Variants in ZNF865 observed in about 807,000 individuals in gnomAD.
ZNF865 encodes zinc finger protein 865.
For synonymous variants in ZNF865, 763 were observed against 750.8 expected, an observed-to-expected ratio of 1.02 and a Z score of -0.27; for missense variants, 1,311 against 1,593.4, an observed-to-expected ratio of 0.82 and a Z score of 3.02.
rs936709454 is a variant in ZNF865 at position 55,613,577 on chromosome 19, G to A, written c.-26-16G>A. ...GCGCCGCGGCCGTGTCCTCAGCCCC[G>A]TCCTCCTCTTCACAGGGTCTCCCGT... is the stretch of plus-strand genomic sequence containing the variant. On this transcript the variant is annotated splice_polypyrimidine_tract_variant and intron_variant, in intron 1 of 1. Transcript: ENST00000568956. The A allele has an allele frequency of 1.0e-5, 15 of 1,483,924 alleles. No homozygotes were observed. Among genetic ancestry groups the A allele is most frequent in the African/African-American group, 2.8e-5 (2 of 71,474 alleles). The allele number at this position is 1,483,924 out of a possible 1,614,324, so 91.9% of individuals were successfully genotyped here. A position where few individuals can be genotyped will look rare whatever the true frequency, so the allele number is the denominator to read the frequency against.
chr19:55,608,603 C>T (rs541462796), intron 1 of ZNF865, among the ~76,000 whole-genome samples: 7 of 151,988 alleles, frequency 4.6e-5, no homozygotes, highest in South Asian at 2.1e-4. Context: ...CGTGAGCCAC[C>T]GTGCCCAGTC....
chr19:55,616,687 C>G lies in ZNF865; in HGVS notation c.3069C>G (p.Gly1023=). 6.5e-7 allele frequency: 1 copy of G among 1,529,698 alleles called. No individual in the cohort carries two copies. Among genetic ancestry groups the G allele is most frequent in the Non-Finnish European group, 8.7e-7 (1 of 1,144,184 alleles). 94.8% of individuals were successfully genotyped at this position (1,529,698 alleles called of 1,614,324 possible). Residue 1023 remains glycine, a synonymous_variant, in exon 2 of 2, where the codon GGC becomes GGG. Transcript: ENST00000568956. ...GGRPFRCSSC[G]EGFANTYGLK... is the part of the protein sequence containing the mutation. Reference sequence around the variant, plus strand: ...GGCCCTTCCGCTGCTCCTCCTGCGGCGAGGGCTTCGCCAACACCTACGGCC... The same window carrying G: ...GGCCCTTCCGCTGCTCCTCCTGCGGGGAGGGCTTCGCCAACACCTACGGCC...
In ZNF865 at chr19:55,615,539, G is replaced by T. The variant is rs1406063113; in HGVS notation, c.1921G>T (p.Gly641Cys). Residue 641 changes from glycine (G) to cysteine (C), a missense_variant, in exon 2 of 2, where the codon GGC becomes TGC. Coordinates refer to ENST00000568956, the MANE Select transcript of ZNF865 (RefSeq NM_001195605.2). Reference sequence around the variant, plus strand: ...GCCCTGCGCCCTGGCCGGGGCAGCCGGCCTCCCCTCCACCCAAGGCACACC... The same window carrying T: ...GCCCTGCGCCCTGGCCGGGGCAGCCTGCCTCCCCTCCACCCAAGGCACACC... ...QLPCALAGAA[G>C]LPSTQGTPGA... is the part of the protein sequence containing the mutation. 2.7e-6 allele frequency: 4 copies of T among 1,507,976 alleles called. No individual in the cohort carries two copies. Among genetic ancestry groups the T allele is most frequent in the Non-Finnish European group, 2.6e-6 (3 of 1,134,370 alleles). The allele number at this position is 1,507,976 out of a possible 1,614,324, so 93.4% of individuals were successfully genotyped here.
At chr19:55,608,748 A>C (rs1009130585) in intron 1 of ZNF865, among the ~76,000 whole-genome samples, 2 of 152,230 alleles carry the variant, frequency 1.3e-5, no homozygotes, top group Non-Finnish European at 2.9e-5. Flanking sequence ...GAATGAAACA[A>C]GCCACATAAG....
rs773731912 is a variant in ZNF865 at position 55,613,909 on chromosome 19, C to CTCGTCCTCCTCCTCCTCCTCT, written c.303_323dup (p.Ser111_Ser117dup). ...CGGAGGTGCCCTCCTCGTCCTCGTC[C>CTCGTCCTCCTCCTCCTCCTCT]TCGTCCTCCTCCTCCTCCTCTTCGT... On this transcript the variant is annotated inframe_insertion, in exon 2 of 2. Transcript: ENST00000568956. 27 of 1,523,258 alleles carry CTCGTCCTCCTCCTCCTCCTCT rather than the reference C, an allele frequency of 1.8e-5. No homozygotes were observed. The highest frequency in any genetic ancestry group is 7.4e-5 in the East Asian group (3 of 40,530). 94.4% of individuals were successfully genotyped at this position (1,523,258 alleles called of 1,614,324 possible). A position where few individuals can be genotyped will look rare whatever the true frequency, so the allele number is the denominator to read the frequency against.
Position 55,613,599 on chromosome 19 carries a change from C to G in ZNF865, c.-20C>G, listed in dbSNP as rs1346696497. ...CCCGTCCTCCTCTTCACAGGGTCTC[C>G]CGTCTCCCACCCGCCGGAGATGGAG... is the stretch of plus-strand genomic sequence containing the variant. On this transcript the variant is annotated 5_prime_UTR_variant, in exon 2 of 2. Coordinates refer to ENST00000568956, the MANE Select transcript of ZNF865 (RefSeq NM_001195605.2). The G allele has an allele frequency of 3.3e-6, 5 of 1,499,450 alleles. No homozygotes were observed. In the South Asian group the frequency reaches 6.5e-5, roughly 19 times the overall value. 92.9% of individuals were successfully genotyped at this position (1,499,450 alleles called of 1,614,324 possible). A position where few individuals can be genotyped will look rare whatever the true frequency, so the allele number is the denominator to read the frequency against.
chr19:55,610,053 T>C (rs928254140), intron 1 of ZNF865, among the ~76,000 whole-genome samples: 13 of 152,140 alleles, frequency 8.5e-5, no homozygotes, highest in African/African-American at 2.9e-4. Flanking sequence ...ATTCCTGGGA[T>C]CATTTAGCTC....
Position 55,615,571 on chromosome 19 carries a change from C to G in ZNF865, c.1953C>G (p.Ala651=). The change falls in exon 2 of 2, where the codon GCC becomes GCG. Residue 651 remains alanine, a synonymous_variant. Coordinates refer to ENST00000568956, the MANE Select transcript of ZNF865 (RefSeq NM_001195605.2). ...CCTCCACCCAAGGCACACCGGGGGC[C>G]TGTGGGCCCGGGGCCTCGGGCACGT... is the stretch of plus-strand genomic sequence containing the variant. ...GLPSTQGTPG[A]CGPGASGTSA... 6.5e-7 allele frequency: 1 copy of G among 1,528,800 alleles called. No homozygotes were observed. The highest frequency in any genetic ancestry group is 8.7e-7 in the Non-Finnish European group (1 of 1,143,624). 94.7% of individuals were successfully genotyped at this position (1,528,800 alleles called of 1,614,324 possible).
Position 55,616,464 on chromosome 19 carries a change from A to T in ZNF865, c.2846A>T (p.Glu949Val), listed in dbSNP as rs1293433478. The T allele has an allele frequency of 1.3e-6, 2 of 1,531,784 alleles. No homozygotes were observed. The highest frequency in any genetic ancestry group is 2.7e-5 in the African/African-American group (2 of 72,744). The allele number at this position is 1,531,784 out of a possible 1,614,324, so 94.9% of individuals were successfully genotyped here. The change falls in exon 2 of 2, where the codon GAG becomes GTG. Residue 949 changes from glutamate (E) to valine (V), a missense_variant. Transcript: ENST00000568956. The stretch of plus-strand genomic sequence containing the variant: ...TTCCGCTACCGCTCCAACCTGCTGG[A>T]GCACCAGCGGCTGCACCTGGGCGAG... ...KTFRYRSNLL[E>V]HQRLHLGERA...
chr19:55,606,177 T>TC (rs1485173440), intron 1 of ZNF865, among the ~76,000 whole-genome samples: 1 of 151,808 alleles, frequency 6.6e-6, no homozygotes, highest in African/African-American at 2.4e-5. Context: ...AGCAGAACTG[T>TC]CCCCCGTTAT....
rs1277336527 is a variant in ZNF865, at chr19:55,615,467, T to C, written c.1849T>C (p.Tyr617His). Residue 617 changes from tyrosine (Y) to histidine (H), a missense_variant, in exon 2 of 2, where the codon TAC becomes CAC. Tyr to His is a moderately conservative substitution (Grantham distance 83). Transcript: ENST00000568956. The stretch of plus-strand genomic sequence containing the variant: ...CGAGCTCTGCGGCAAGGTCTTCGGC[T>C]ACCCGCAGAGCCTCACCCGCCACCG... ...KCELCGKVFG[Y>H]PQSLTRHRQV... 1 of 1,509,324 alleles carries C rather than the reference T, an allele frequency of 6.6e-7. No individual in the cohort carries two copies. Among genetic ancestry groups the C allele is most frequent in the South Asian group, 1.2e-5 (1 of 80,804 alleles). 93.5% of individuals were successfully genotyped at this position (1,509,324 alleles called of 1,614,324 possible).
At chr19:55,610,804 C>T (rs73058304) in intron 1 of ZNF865, among the ~76,000 whole-genome samples, 2,931 of 152,206 alleles carry the variant, frequency 0.019, 45 homozygotes, top group Middle Eastern at 0.037. Flanking sequence ...GAAACACCTG[C>T]GGCTGGATGA....
Position 55,616,714 on chromosome 19 carries a change from C to T in ZNF865, c.3096C>T (p.Leu1032=). The T allele has an allele frequency of 2.0e-6, 3 of 1,522,610 alleles. No homozygotes were observed. Among genetic ancestry groups the T allele is most frequent in the Non-Finnish European group, 1.8e-6 (2 of 1,140,516 alleles). 94.3% of individuals were successfully genotyped at this position (1,522,610 alleles called of 1,614,324 possible). ...AGGGCTTCGCCAACACCTACGGCCTCAAGAAACACCGCCTGGCGCACAAGG... is the reference window on the plus strand; with the variant it reads ...AGGGCTTCGCCAACACCTACGGCCTTAAGAAACACCGCCTGGCGCACAAGG... ...CGEGFANTYG[L]KKHRLAHKAE... The change falls in exon 2 of 2, where the codon CTC becomes CTT. Residue 1032 remains leucine, a synonymous_variant. Transcript: ENST00000568956.
At position 55,614,991 on chromosome 19, in the gene ZNF865, G is replaced by A. The variant is rs1457122882; in HGVS notation, c.1373G>A (p.Arg458His). 2.8e-6 allele frequency: 4 copies of A among 1,411,198 alleles called. No individual in the cohort carries two copies. The highest frequency in any genetic ancestry group is 1.8e-6 in the Non-Finnish European group (2 of 1,090,040). The allele number at this position is 1,411,198 out of a possible 1,614,324, so 87.4% of individuals were successfully genotyped here. A position where few individuals can be genotyped will look rare whatever the true frequency, so the allele number is the denominator to read the frequency against. ...TACTCGGCTCCGCAGAGCCTGCTCCGCCACAAGGCCGCCCACGCCCCGCCC... is the reference window on the plus strand; with the variant it reads ...TACTCGGCTCCGCAGAGCCTGCTCCACCACAAGGCCGCCCACGCCCCGCCC... Reference protein sequence around the residue: ...KSYSAPQSLLRHKAAHAPPAA... With the variant: ...KSYSAPQSLLHHKAAHAPPAA... Residue 458 changes from arginine to histidine, a missense_variant, in exon 2 of 2, where the codon CGC (arginine) becomes CAC (histidine). Coordinates refer to ENST00000568956, the MANE Select transcript of ZNF865 (RefSeq NM_001195605.2). The surrounding 1 kb of genome is among the most constrained non-coding windows in gnomAD (Gnocchi z 8.0).
chr19:55,614,976 C>G lies in ZNF865; in HGVS notation c.1358C>G (p.Pro453Arg), dbSNP rs938247738. The G allele has an allele frequency of 3.7e-5, 53 of 1,427,266 alleles. No homozygotes were observed. Among genetic ancestry groups the G allele is most frequent in the Middle Eastern group, 3.8e-4 (2 of 5,284 alleles). The allele number at this position is 1,427,266 out of a possible 1,614,324, so 88.4% of individuals were successfully genotyped here. A position where few individuals can be genotyped will look rare whatever the true frequency, so the allele number is the denominator to read the frequency against. The change falls in exon 2 of 2, where the codon CCG (proline) becomes CGG (arginine). Residue 453 changes from proline (P) to arginine (R), a missense_variant. Physicochemically the swap from Pro to Arg is moderately radical, Grantham distance 103 (BLOSUM62 -2). Transcript: ENST00000568956. The surrounding 1 kb of genome is among the most constrained non-coding windows in gnomAD (Gnocchi z 8.0). ...CDLCGKSYSAPQSLLRHKAAH... is the reference protein window; with the variant it reads ...CDLCGKSYSARQSLLRHKAAH... ...CTGTGCGGCAAGTCCTACTCGGCTC[C>G]GCAGAGCCTGCTCCGCCACAAGGCC...
chr19:55,614,966 T>C lies in ZNF865; in HGVS notation c.1348T>C (p.Tyr450His). 1 of 1,449,110 alleles carries C rather than the reference T, an allele frequency of 6.9e-7. No homozygotes were observed. 89.8% of individuals were successfully genotyped at this position (1,449,110 alleles called of 1,614,324 possible). A position where few individuals can be genotyped will look rare whatever the true frequency, so the allele number is the denominator to read the frequency against. ...CCCCTGCGACCTGTGCGGCAAGTCC[T>C]ACTCGGCTCCGCAGAGCCTGCTCCG... ...VYPCDLCGKS[Y>H]SAPQSLLRHK... The change falls in exon 2 of 2, where the codon TAC becomes CAC. Residue 450 changes from tyrosine to histidine, a missense_variant. Tyr to His is a moderately conservative substitution (Grantham distance 83). Transcript: ENST00000568956. This position sits in a 1 kb window ranked among gnomAD's most constrained non-coding sequence, Gnocchi z 8.0.
At position 55,613,806 on chromosome 19, in the gene ZNF865, G is replaced by GCC; in HGVS notation, c.193_194dup (p.Pro66ArgfsTer98). 1.4e-6 allele frequency: 2 copies of GCC among 1,456,322 alleles called. No homozygotes were observed. The highest frequency in any genetic ancestry group is 1.8e-6 in the Non-Finnish European group (2 of 1,099,770). The allele number at this position is 1,456,322 out of a possible 1,614,324, so 90.2% of individuals were successfully genotyped here. On this transcript the variant is annotated frameshift_variant, in exon 2 of 2. Transcript: ENST00000568956. LOFTEE classifies it low-confidence loss of function (END_TRUNC). ...GTGGCGGCCCTGCCCTGCGCCCCCG[G>GCC]CCCCCCGCCGCAGCCCCCGCCGCAG... is the stretch of plus-strand genomic sequence containing the variant.
rs1193521497 is a variant in ZNF865 at position 55,614,884 on chromosome 19, C to T, written c.1266C>T (p.Leu422=). 1 of 1,507,768 alleles carries T rather than the reference C, an allele frequency of 6.6e-7. No homozygotes were observed. Among genetic ancestry groups the T allele is most frequent in the Non-Finnish European group, 8.8e-7 (1 of 1,132,400 alleles). 93.4% of individuals were successfully genotyped at this position (1,507,768 alleles called of 1,614,324 possible). ...CGKAFRDASY[L]LKHQAAHAGA... is the part of the protein sequence containing the mutation. ...AGGCCTTCCGCGACGCCTCCTACCT[C>T]CTCAAGCACCAGGCGGCCCACGCGG... Residue 422 remains leucine, a synonymous_variant, in exon 2 of 2, where the codon CTC becomes CTT. Transcript: ENST00000568956. This position sits in a 1 kb window ranked among gnomAD's most constrained non-coding sequence, Gnocchi z 8.0.
At chr19:55,613,473 A>G in intron 1 of ZNF865, 120 bp from the exon 2 acceptor site, 2 of 974,754 alleles carry the variant, frequency 2.1e-6, no homozygotes, top group African/African-American at 1.7e-5. Flanking sequence ...CTGGAAGCCT[A>G]AATCTGGAAG....
Sources: allele counts gnomAD v4.1 joint callset (sites outside exome capture counted in the v4.1 genomes callset), GRCh38; gene constraint gnomAD v4.1.1; non-coding constraint Gnocchi (gnomAD v3.1); transcripts MANE v1.5; gene names NCBI Gene and HGNC (gene_info 2026-07-23, HGNC 2026-07-21).